The following TPM1 variants were observed in gnomAD, a reference collection of about 807,000 sequenced individuals.
TPM1 encodes the protein tropomyosin 1, also known as tropomyosin alpha-1 chain.
TPM1 carries 24 observed loss-of-function variants against 42.9 expected under a neutral mutation model. The ratio of observed to expected loss-of-function variants is 0.56; its 90% CI spans 0.41 to 0.79. The LOEUF (loss-of-function observed/expected upper bound fraction) is 0.79. Ranked by LOEUF, TPM1 falls within the 30% of genes least tolerant of loss-of-function variation. The pLI, the probability that TPM1 is intolerant of heterozygous loss-of-function variation, is 0.00. For synonymous variants in TPM1, 136 were observed against 130.1 expected (o/e 1.05, Z -0.31); for missense variants, 158 against 351.8 (o/e 0.45, Z 4.41).
At chr15:63,048,557 C>T in intron 2 of TPM1, 4 of 1,520,770 alleles carry the variant, frequency 2.6e-6, no homozygotes, top group Non-Finnish European at 3.5e-6. Flanking sequence ...GCCCTCCCGC[C>T]CGCCTACCGT....
chr15:63,047,232 G>A (rs966686431), intron 2 of TPM1: 4 of 152,264 alleles, frequency 2.6e-5, no homozygotes, highest in African/African-American at 9.6e-5. Context: ...TCTCAGCAGA[G>A]GCTGTGAGGA....
chr15:63,042,990 C>T, intron 1 of TPM1, 47 bp downstream of exon 1: 1 of 1,510,464 alleles, frequency 6.6e-7, no homozygotes, highest in East Asian at 2.4e-5. Flanking sequence ...CGCCGGGACT[C>T]GAGCCTGGCA....
intron 1 of TPM1, 52 bp downstream of exon 1, chr15:63,042,995 C>T: frequency 1.3e-6 from 2 of 1,493,030 alleles, no homozygotes; most frequent in Non-Finnish European, 1.8e-6. Flanking sequence ...GGACTCGAGC[C>T]TGGCACCCCC....
chr15:63,057,062 G>A lies in TPM1; in HGVS notation c.318G>A (p.Leu106=). Residue 106 remains leucine (L), a synonymous_variant, in exon 3 of 10, where the codon CTG becomes CTA. Transcript: ENST00000403994. ...EEELDRAQER[L]ATALQKLEEA... ...AGTTGGATCGTGCCCAGGAGCGTCT[G>A]GCAACAGCTTTGCAGAAGCTGGAGG... The A allele has an allele frequency of 6.2e-7, 1 of 1,614,216 alleles. No homozygotes were observed. Among genetic ancestry groups the A allele is most frequent in the Non-Finnish European group, 8.5e-7 (1 of 1,180,028 alleles).
chr15:63,048,289 G>GCCTTTCTCCCCGCCGCCGCGAGCA, intron 2 of TPM1: 3 of 677,970 alleles, frequency 4.4e-6, no homozygotes, highest in Non-Finnish European at 7.1e-6. Flanking sequence ...CGCCGGGAGC[G>GCCTTTCTCCCCGCCGCCGCGAGCA]CCTTTCTCCC....
downstream of TPM1, chr15:63,070,154 T>A: frequency 1.4e-6 from 2 of 1,401,050 alleles, no homozygotes; most frequent in South Asian, 2.9e-5. Flanking sequence ...AAACAGCTTT[T>A]ATGGTAGAAT....
chr15:63,070,928 G>A (rs192526701), downstream of TPM1: 572 of 1,432,940 alleles, frequency 4.0e-4, 1 homozygote, highest in Middle Eastern at 3.3e-3. Context: ...CCTCCCCTCC[G>A]TCTTAGGTTC....
intron 2 of TPM1, chr15:63,048,930 C>T (rs1470099786): frequency 4.7e-6 from 3 of 644,948 alleles, no homozygotes; most frequent in Non-Finnish European, 8.2e-6. Context: ...AGTAAACGCT[C>T]CCAGGGGAAA....
At chr15:63,070,924 C>G, downstream of TPM1, 3 of 1,418,044 alleles carry the variant, frequency 2.1e-6, no homozygotes, top group Non-Finnish European at 2.8e-6. Context: ...ATGCCCTCCC[C>G]TCCGTCTTAG....
At chr15:63,068,163 A>G (rs977502761), downstream of TPM1, among the ~76,000 whole-genome samples, 2 of 152,200 alleles carry the variant, frequency 1.3e-5, no homozygotes, top group African/African-American at 4.8e-5. Flanking sequence ...CCCCAAGCAT[A>G]TGTCACGTGC....
chr15:63,051,547 TC>T (rs1555405872), intron 2 of TPM1, among the ~76,000 whole-genome samples: 8 of 150,976 alleles, frequency 5.3e-5, no homozygotes, highest in African/African-American at 1.2e-4. Context: ...TTTTTTTTTT[TC>T]CCCCCTTTCC....
chr15:63,069,494 G>T (rs1391325150), downstream of TPM1, among the ~76,000 whole-genome samples: 1 of 152,108 alleles, frequency 6.6e-6, no homozygotes, highest in Non-Finnish European at 1.5e-5. Context: ...TGTCACGCTG[G>T]GCTCGCCTCC....
At chr15:63,060,138 A>G (rs1403051402) in intron 4 of TPM1, among the ~76,000 whole-genome samples, 4 of 152,160 alleles carry the variant, frequency 2.6e-5, no homozygotes, top group Non-Finnish European at 4.4e-5. Flanking sequence ...ACTATTATCA[A>G]CGCAGGTTTT....
At chr15:63,066,194 GGCT>G (rs2036264345), downstream of TPM1, 1 of 1,399,744 alleles carries the variant, frequency 7.1e-7, no homozygotes, top group African/African-American at 1.5e-5. Flanking sequence ...GTTAGTGTTT[GGCT>G]GCTGCTTTTT....
chr15:63,054,155 C>A (rs1334622133), intron 2 of TPM1, among the ~76,000 whole-genome samples: 1 of 152,126 alleles, frequency 6.6e-6, no homozygotes, highest in East Asian at 1.9e-4. Context: ...GCTGTGTGTG[C>A]CCTACCATTC....
chr15:63,050,412 G>C (rs1033639189), intron 2 of TPM1, among the ~76,000 whole-genome samples: 3 of 152,234 alleles, frequency 2.0e-5, no homozygotes, highest in Non-Finnish European at 2.9e-5. Context: ...CTAAGAAAGA[G>C]TATGTGTGAC....
downstream of TPM1, chr15:63,070,887 C>G: frequency 7.3e-7 from 1 of 1,362,238 alleles, no homozygotes; most frequent in Non-Finnish European, 9.5e-7. Flanking sequence ...CTGTGAGAAT[C>G]CGTGCCATGG....
intron 3 of TPM1, 137 bp from the exon 4 acceptor site, chr15:63,059,426 G>A (rs2035280282): frequency 4.6e-6 from 3 of 650,686 alleles, no homozygotes; most frequent in East Asian, 3.3e-5. Context: ...TTGTTTCCTG[G>A]TTTGGAAAAT....
downstream of TPM1, chr15:63,069,965 G>C (rs758785276): frequency 6.2e-7 from 1 of 1,613,776 alleles, no homozygotes; most frequent in South Asian, 1.1e-5. Flanking sequence ...AAAAAACTTG[G>C]GCTGAATTCT....
Sources: allele counts gnomAD v4.1 joint callset (sites outside exome capture counted in the v4.1 genomes callset), GRCh38; gene constraint gnomAD v4.1.1; transcripts MANE v1.5; gene names NCBI Gene and HGNC (gene_info 2026-07-23, HGNC 2026-07-21).